ADAM21: variants seen among roughly 807,000 people sequenced by gnomAD.
ADAM21 encodes ADAM metallopeptidase domain 21, also known as disintegrin and metalloproteinase domain-containing protein 21.
For synonymous variants in ADAM21, 262 were observed against 306.0 expected (o/e 0.86, Z 1.50); for missense variants, 678 against 874.4 (o/e 0.78, Z 2.83).
intron 1 of ADAM21, among the ~76,000 whole-genome samples, chr14:70,454,261 T>G (rs1189087923): frequency 1.3e-5 from 2 of 152,196 alleles, no homozygotes; most frequent in East Asian, 3.8e-4. Flanking sequence ...AGTTTTGATT[T>G]CTATATTCTC....
intron 1 of ADAM21, among the ~76,000 whole-genome samples, chr14:70,454,579 G>C (rs544303031): frequency 6.8e-4 from 103 of 152,296 alleles, no homozygotes; most frequent in African/African-American, 2.4e-3. Flanking sequence ...AGGTATAGCA[G>C]AAGTAAGGGG....
At position 70,457,972 on chromosome 14, in the gene ADAM21, T is replaced by C; in HGVS notation, c.473T>C (p.Val158Ala). ...CACTCTGCCACATTTGAACACCTGG[T>C]TTATAAGATAAACAGTAATGAGACA... ...IRHSATFEHLVYKINSNETQF... is the reference protein window; with the variant it reads ...IRHSATFEHLAYKINSNETQF... Residue 158 changes from valine (V) to alanine (A), a missense_variant, in exon 2 of 2, where the codon GTT (valine) becomes GCT (alanine). Coordinates refer to ENST00000603540, the MANE Select transcript of ADAM21 (RefSeq NM_003813.4). 6.2e-7 allele frequency: 1 copy of C among 1,603,426 alleles called. No homozygotes were observed. Among genetic ancestry groups the C allele is most frequent in the Non-Finnish European group, 8.5e-7 (1 of 1,174,364 alleles).
At chr14:70,454,555 T>C (rs564335496) in intron 1 of ADAM21, among the ~76,000 whole-genome samples, 76 of 152,278 alleles carry the variant, frequency 5.0e-4, no homozygotes, top group African/African-American at 1.6e-3. Flanking sequence ...GGGTTTTCTT[T>C]GGGTTTGAGA....
At chr14:70,457,214 C>T (rs918283807) in intron 1 of ADAM21, 135 bp from the exon 2 acceptor site, 5 of 356,792 alleles carry the variant, frequency 1.4e-5, no homozygotes, top group African/African-American at 4.3e-5. Flanking sequence ...CCCCTAAATC[C>T]CCACCCTCAT....
intron 1 of ADAM21, among the ~76,000 whole-genome samples, chr14:70,456,567 GTT>G (rs1399181418): frequency 3.3e-5 from 5 of 152,046 alleles, no homozygotes; most frequent in African/African-American, 1.2e-4. Context: ...AAAGCATTTC[GTT>G]TTGTCTTTGG....
chr14:70,452,574 G>C (rs1464923667), intron 1 of ADAM21, among the ~76,000 whole-genome samples: 1 of 152,170 alleles, frequency 6.6e-6, no homozygotes, highest in African/African-American at 2.4e-5. Context: ...CACCATGTTA[G>C]CCAGGATGGT....
intron 1 of ADAM21, among the ~76,000 whole-genome samples, chr14:70,454,731 A>T (rs1297253006): frequency 1.3e-5 from 2 of 152,184 alleles, no homozygotes; most frequent in Admixed American, 6.6e-5. Flanking sequence ...AAAAAACTTT[A>T]AAAAACCCTG....
intron 1 of ADAM21, among the ~76,000 whole-genome samples, chr14:70,452,552 G>T (rs1182272279): frequency 6.6e-6 from 1 of 152,142 alleles, no homozygotes; most frequent in Non-Finnish European, 1.5e-5. Flanking sequence ...ATTTTTAGTA[G>T]AAACGGGGTT....
rs780880453 is a variant in ADAM21, at chr14:70,458,115, C to T, written c.616C>T (p.His206Tyr). Residue 206 changes from histidine (H) to tyrosine (Y), a missense_variant, in exon 2 of 2, where the codon CAT (histidine) becomes TAT (tyrosine). By Grantham distance (83) the His-to-Tyr change is moderately conservative. Coordinates refer to ENST00000603540, the MANE Select transcript of ADAM21 (RefSeq NM_003813.4). ...EPKSAGDWWT[H>Y]AWFLELVVVV... ...AAAATCTGCTGGTGACTGGTGGACT[C>T]ATGCATGGTTTCTGGAGCTAGTTGT... 23 of 1,614,090 alleles carry T rather than the reference C, an allele frequency of 1.4e-5. No individual in the cohort carries two copies. Among genetic ancestry groups the T allele is most frequent in the Non-Finnish European group, 1.9e-5 (22 of 1,180,008 alleles).
At chr14:70,453,646 A>G (rs1182814693) in intron 1 of ADAM21, 1 of 152,188 alleles carries the variant, frequency 6.6e-6, no homozygotes, top group Non-Finnish European at 1.5e-5. Context: ...CCTTTCCACA[A>G]CATTATATCT....
rs1450384218 is a variant in ADAM21 at position 70,458,138 on chromosome 14, T to C, written c.639T>C (p.Val213=). The C allele has an allele frequency of 5.6e-6, 9 of 1,613,814 alleles. No homozygotes were observed. Among genetic ancestry groups the C allele is most frequent in the Middle Eastern group, 1.7e-4 (1 of 6,060 alleles). ...CTCATGCATGGTTTCTGGAGCTAGT[T>C]GTTGTGGTGAACCATGATTTCTTCA... ...WWTHAWFLEL[V]VVVNHDFFIY... is the part of the protein sequence containing the mutation. The change falls in exon 2 of 2, where the codon GTT becomes GTC. Residue 213 remains valine (V), a synonymous_variant. Coordinates refer to ENST00000603540, the MANE Select transcript of ADAM21 (RefSeq NM_003813.4).
rs139350777 is a variant in ADAM21 at position 70,456,986 on chromosome 14, C to G, written c.-151-363C>G. On this transcript the variant is annotated intron_variant, in intron 1 of 1. Coordinates refer to ENST00000603540, the MANE Select transcript of ADAM21 (RefSeq NM_003813.4). ...CTCCAGTTTTGATAGTCAAAGGAGACACTATCAATAGATATTGCAAGGGCA... is the reference window on the plus strand; with the variant it reads ...CTCCAGTTTTGATAGTCAAAGGAGAGACTATCAATAGATATTGCAAGGGCA... Among the ~76,000 whole-genome samples the G allele has an allele frequency of 0.011, 1,604 of 152,274 alleles. 76 individuals are homozygous for G. In the East Asian group the frequency reaches 0.13, roughly 12 times the overall value.
chr14:70,454,280 C>A (rs4902821), intron 1 of ADAM21, among the ~76,000 whole-genome samples: 44,640 of 151,748 alleles, frequency 0.29, 6,592 homozygotes, highest in Middle Eastern at 0.35. Context: ...TCTTTTTAAG[C>A]CTTTCACAAA....
Position 70,457,515 on chromosome 14 carries a change from A to C in ADAM21, c.16A>C (p.Thr6Pro), listed in dbSNP as rs529462771. Residue 6 changes from threonine (T) to proline (P), a missense_variant, in exon 2 of 2, where the codon ACC becomes CCC. By Grantham distance (38) the Thr-to-Pro change is conservative. Transcript: ENST00000603540. Reference protein sequence around the residue: MAVDGTLVYIRVTLLL... With the variant: MAVDGPLVYIRVTLLL... ...CAGCTTCATAATGGCAGTGGATGGG[A>C]CCCTCGTGTACATCAGAGTCACTCT... The C allele has an allele frequency of 9.5e-6, 15 of 1,585,976 alleles. No individual in the cohort carries two copies. In the African/African-American group the frequency reaches 1.6e-4, roughly 17 times the overall value.
chr14:70,456,753 TC>T, intron 1 of ADAM21, among the ~76,000 whole-genome samples: 1 of 152,206 alleles, frequency 6.6e-6, no homozygotes, highest in Non-Finnish European at 1.5e-5. Context: ...TTTCCATTTT[TC>T]ATTGTACATA....
chr14:70,459,497 C>T lies in ADAM21; in HGVS notation c.1998C>T (p.Gly666=), dbSNP rs1882492057. ...CCCCACCCTACTGCCAGCACAGAGGCTATGGGGGCAGTATTGACAGTGGCC... is the reference window on the plus strand; with the variant it reads ...CCCCACCCTACTGCCAGCACAGAGGTTATGGGGGCAGTATTGACAGTGGCC... ...GWSPPYCQHR[G]YGGSIDSGPA... is the part of the protein sequence containing the mutation. Residue 666 remains glycine, a synonymous_variant, in exon 2 of 2, where the codon GGC becomes GGT. Transcript: ENST00000603540. The T allele has an allele frequency of 6.2e-7, 1 of 1,614,100 alleles. No individual in the cohort carries two copies. Among genetic ancestry groups the T allele is most frequent in the Non-Finnish European group, 8.5e-7 (1 of 1,180,048 alleles).
rs374040221 is a variant in ADAM21, at chr14:70,458,209, T to A, written c.710T>A (p.Leu237His). 1 of 1,613,994 alleles carries A rather than the reference T, an allele frequency of 6.2e-7. No homozygotes were observed. Among genetic ancestry groups the A allele is most frequent in the East Asian group, 2.2e-5 (1 of 44,840 alleles). Residue 237 changes from leucine (L) to histidine (H), a missense_variant, in exon 2 of 2, where the codon CTT becomes CAT. Physicochemically the swap from Leu to His is moderately conservative, Grantham distance 99. Coordinates refer to ENST00000603540, the MANE Select transcript of ADAM21 (RefSeq NM_003813.4). ...NISKVQEDVF[L>H]VVNIVDSMYK... ...TCAAAGGTGCAAGAGGATGTATTTC[T>A]TGTTGTCAACATAGTGGATTCCATG...
intron 1 of ADAM21, among the ~76,000 whole-genome samples, chr14:70,454,768 T>A (rs1480163803): frequency 6.6e-6 from 1 of 152,228 alleles, no homozygotes; most frequent in Non-Finnish European, 1.5e-5. Flanking sequence ...GTTTTCTATA[T>A]ACTTGCTAAT....
chr14:70,453,578 C>G (rs372544253), intron 1 of ADAM21: 5 of 152,252 alleles, frequency 3.3e-5, no homozygotes, highest in South Asian at 2.1e-4. Context: ...ATTGCCTGCT[C>G]TCATGCTGAG....
Sources: allele counts gnomAD v4.1 joint callset (sites outside exome capture counted in the v4.1 genomes callset), GRCh38; gene constraint gnomAD v4.1.1; transcripts MANE v1.5; gene names NCBI Gene and HGNC (gene_info 2026-07-23, HGNC 2026-07-21).